Variants in NTRK3 observed in about 807,000 individuals in gnomAD.
The protein encoded by NTRK3 is neurotrophic receptor tyrosine kinase 3.
Under a neutral mutation model 91.7 loss-of-function variants are expected in NTRK3, and 24 were observed. The ratio of observed to expected loss-of-function variants is 0.26; its 90% CI spans 0.19 to 0.37. The LOEUF is 0.37. Ranked by LOEUF, NTRK3 falls within the 10% of genes least tolerant of loss-of-function variation. The pLI, the probability that NTRK3 is intolerant of heterozygous loss-of-function variation, is 1.00. For missense variants in NTRK3, 880 were observed against 1,068.9 expected (o/e 0.82, Z 2.46); for synonymous variants, 483 against 404.0 (o/e 1.20, Z -2.34).
At chr15:88,098,469 T>C (rs2049848796) in intron 13 of NTRK3, 1 of 205,348 alleles carries the variant, frequency 4.9e-6, no homozygotes, top group Non-Finnish European at 1.0e-5. Context: ...GCCTCGCGCA[T>C]GAGACATTAA....
chr15:88,052,862 A>G (rs775020727), intron 13 of NTRK3, among the ~76,000 whole-genome samples: 2 of 152,102 alleles, frequency 1.3e-5, no homozygotes, highest in Non-Finnish European at 2.9e-5. Context: ...AGGAACAAGG[A>G]GCTGAAAATA....
At chr15:87,952,847 G>A (rs972469634) in intron 14 of NTRK3, among the ~76,000 whole-genome samples, 1 of 149,216 alleles carries the variant, frequency 6.7e-6, no homozygotes, top group Non-Finnish European at 1.5e-5. Flanking sequence ...CGCCTTTCCT[G>A]CCCTACCCCC....
At chr15:87,963,148 T>C (rs1403758106) in intron 14 of NTRK3, among the ~76,000 whole-genome samples, 1 of 150,754 alleles carries the variant, frequency 6.6e-6, no homozygotes, top group Non-Finnish European at 1.5e-5. Flanking sequence ...GGATACCTGC[T>C]TGGGGGAATC....
At chr15:88,005,329 T>C (rs907952948) in intron 14 of NTRK3, among the ~76,000 whole-genome samples, 5 of 152,086 alleles carry the variant, frequency 3.3e-5, no homozygotes, top group African/African-American at 1.2e-4. Flanking sequence ...AGTAACAATA[T>C]CACCACCTAG....
At chr15:87,944,160 C>A (rs2070184878) in intron 14 of NTRK3, among the ~76,000 whole-genome samples, 1 of 152,196 alleles carries the variant, frequency 6.6e-6, no homozygotes, top group East Asian at 1.9e-4. Flanking sequence ...ACCATAAATT[C>A]TCCTCCAGGA....
intron 5 of NTRK3, among the ~76,000 whole-genome samples, chr15:88,170,239 A>G (rs2045379616): frequency 6.6e-6 from 1 of 152,240 alleles, no homozygotes; most frequent in South Asian, 2.1e-4. Context: ...CTTCAAGGGC[A>G]GGGGGAATGC....
intron 13 of NTRK3, among the ~76,000 whole-genome samples, chr15:88,045,121 T>C (rs1213378215): frequency 1.3e-5 from 2 of 152,154 alleles, no homozygotes; most frequent in African/African-American, 4.8e-5. Context: ...GAATAGTACA[T>C]CCAAGTCTCA....
At chr15:88,253,857 T>C (rs1296696068) in intron 3 of NTRK3, among the ~76,000 whole-genome samples, 2 of 151,966 alleles carry the variant, frequency 1.3e-5, no homozygotes, top group Non-Finnish European at 2.9e-5. Context: ...GCCACCCCAG[T>C]CCCCTCCCAT....
At chr15:87,938,479 G>C (rs2069504243) in intron 15 of NTRK3, among the ~76,000 whole-genome samples, 1 of 152,136 alleles carries the variant, frequency 6.6e-6, no homozygotes, top group Non-Finnish European at 1.5e-5. Context: ...CTGACCACTA[G>C]GCAGATCCAC....
At chr15:88,157,652 A>G (rs533598182) in intron 5 of NTRK3, among the ~76,000 whole-genome samples, 1 of 152,096 alleles carries the variant, frequency 6.6e-6, no homozygotes, top group East Asian at 1.9e-4. Flanking sequence ...ATGGGGGAAC[A>G]GTGGGGAGCC....
intron 17 of NTRK3, among the ~76,000 whole-genome samples, chr15:87,904,532 C>T (rs998536553): frequency 3.9e-5 from 6 of 152,122 alleles, no homozygotes; most frequent in African/African-American, 9.7e-5. Context: ...CCTGAAATCC[C>T]GGCGTACTGC....
At chr15:88,248,519 T>C (rs937096153) in intron 3 of NTRK3, among the ~76,000 whole-genome samples, 1 of 7,058 alleles carries the variant, frequency 1.4e-4, no homozygotes, top group African/African-American at 2.2e-4. Context: ...AATATATTTG[T>C]GTGTGTGTGT....
chr15:88,057,155 C>T (rs1426243908), intron 13 of NTRK3, among the ~76,000 whole-genome samples: 66 of 134,882 alleles, frequency 4.9e-4, no homozygotes, highest in African/African-American at 1.9e-3. Flanking sequence ...GGCGACAGAG[C>T]GAAACTCCGT....
At chr15:88,149,953 G>A (rs921849574) in intron 5 of NTRK3, among the ~76,000 whole-genome samples, 2 of 152,306 alleles carry the variant, frequency 1.3e-5, no homozygotes, top group South Asian at 2.1e-4. Flanking sequence ...AGCTGGACAA[G>A]CCCCCAGCTT....
At chr15:88,042,907 C>G (rs1340721826) in intron 13 of NTRK3, among the ~76,000 whole-genome samples, 1 of 152,256 alleles carries the variant, frequency 6.6e-6, no homozygotes, top group African/African-American at 2.4e-5. Flanking sequence ...GCTCATTTCA[C>G]TGCAGCACCT....
chr15:87,980,678 G>C (rs754121540), intron 14 of NTRK3, among the ~76,000 whole-genome samples: 1 of 152,152 alleles, frequency 6.6e-6, no homozygotes, highest in East Asian at 1.9e-4. Context: ...AACAAAATTT[G>C]ATTGCATTGA....
chr15:88,072,025 A>T (rs1400670420), intron 13 of NTRK3, among the ~76,000 whole-genome samples: 17 of 115,274 alleles, frequency 1.5e-4, no homozygotes, highest in African/African-American at 3.7e-4. Context: ...TTTTTTTTTG[A>T]GATGGAGTCT....
At chr15:88,143,737 A>T (rs760606302) in intron 6 of NTRK3, among the ~76,000 whole-genome samples, 16 of 152,188 alleles carry the variant, frequency 1.1e-4, no homozygotes, top group Non-Finnish European at 1.9e-4. Flanking sequence ...GTCTCCAAGA[A>T]CGGTAGAAAG....
At chr15:88,051,750 G>A (rs763563697) in intron 13 of NTRK3, among the ~76,000 whole-genome samples, 9 of 152,112 alleles carry the variant, frequency 5.9e-5, no homozygotes, top group African/African-American at 7.2e-5. Flanking sequence ...AAAAAACAGT[G>A]GTTAGCTAAC....
Sources: allele counts gnomAD v4.1 joint callset (sites outside exome capture counted in the v4.1 genomes callset), GRCh38; gene constraint gnomAD v4.1.1; transcripts MANE v1.5; gene names NCBI Gene and HGNC (gene_info 2026-07-23, HGNC 2026-07-21).